Variants in ZC3H8 observed in about 807,000 individuals in gnomAD.
The protein encoded by ZC3H8 is zinc finger CCCH domain-containing protein 8.
Under a neutral mutation model 42.5 loss-of-function variants are expected in ZC3H8, and 27 were observed. The observed-to-expected ratio is 0.64, with a 90% confidence interval of 0.47 to 0.88. ZC3H8 has a LOEUF of 0.88. Ranked by LOEUF, ZC3H8 falls within the 40% of genes least tolerant of loss-of-function variation. The probability of loss-of-function intolerance (pLI) is 0.00; values close to 1 mark genes in which losing one functional copy is unlikely to be tolerated. For synonymous variants in ZC3H8, 101 were observed against 110.1 expected (o/e 0.92, Z 0.52); for missense variants, 277 against 336.1 (o/e 0.82, Z 1.37).
At chr2:112,236,024 G>A (rs554045170) in intron 4 of ZC3H8, among the ~76,000 whole-genome samples, 2 of 152,058 alleles carry the variant, frequency 1.3e-5, no homozygotes, top group Admixed American at 6.5e-5. Context: ...GTGGGTGGTG[G>A]GAGCCGAGGC....
chr2:112,227,379 G>A (rs981813723), intron 8 of ZC3H8, among the ~76,000 whole-genome samples: 3 of 152,168 alleles, frequency 2.0e-5, no homozygotes, highest in African/African-American at 7.2e-5. Context: ...ACAAAAATTA[G>A]CCGGGCGTGG....
intron 2 of ZC3H8, 127 bp downstream of exon 2, chr2:112,250,063 AC>A (rs1685894933): frequency 1.7e-6 from 1 of 594,576 alleles, no homozygotes; most frequent in Admixed American, 3.9e-5. Flanking sequence ...GTAAAATGAG[AC>A]AAGTAGGATC....
At chr2:112,229,955 CAAAA>C (rs1685020050) in intron 8 of ZC3H8, among the ~76,000 whole-genome samples, 1 of 134,252 alleles carries the variant, frequency 7.4e-6, no homozygotes, top group East Asian at 2.2e-4. Context: ...AAAAAAAAAA[CAAAA>C]AACGAAAAGA....
rs1449602127 is a variant in ZC3H8, at chr2:112,215,464, G to A, written c.*1020C>T. 1 of 152,026 alleles carries A rather than the reference G, an allele frequency of 6.6e-6. No individual in the cohort carries two copies. Among genetic ancestry groups the A allele is most frequent in the Admixed American group, 6.6e-5 (1 of 15,248 alleles). The allele number at this position is 152,026 out of a possible 1,614,324, so 9.4% of individuals were successfully genotyped here. ...TGGAGTATATGCAATTCCCTTTCTT[G>A]CTTTAGCAGGATTAGATAACAATGA... On this transcript the variant is annotated 3_prime_UTR_variant, in exon 9 of 9. Coordinates refer to ENST00000409573, the MANE Select transcript of ZC3H8 (RefSeq NM_032494.3).
chr2:112,235,274 G>C (rs958451575), intron 4 of ZC3H8, among the ~76,000 whole-genome samples: 5 of 152,114 alleles, frequency 3.3e-5, no homozygotes, highest in Admixed American at 2.6e-4. Flanking sequence ...ATAAATATCT[G>C]CCAGTTTAAA....
At chr2:112,253,275 C>T (rs536888267) in intron 1 of ZC3H8, among the ~76,000 whole-genome samples, 11 of 152,240 alleles carry the variant, frequency 7.2e-5, no homozygotes, top group Non-Finnish European at 1.5e-4. Context: ...TCCCCCTTCC[C>T]CTAATAATGT....
intron 8 of ZC3H8, among the ~76,000 whole-genome samples, chr2:112,217,818 T>C (rs574293695): frequency 6.6e-6 from 1 of 152,232 alleles, no homozygotes; most frequent in Non-Finnish European, 1.5e-5. Flanking sequence ...ACTCTGTTCA[T>C]TTCTGAAAAA....
At chr2:112,223,851 A>C (rs574271701) in intron 8 of ZC3H8, among the ~76,000 whole-genome samples, 1 of 152,352 alleles carries the variant, frequency 6.6e-6, no homozygotes, top group East Asian at 1.9e-4. Context: ...AATCAATATA[A>C]GGAATAAAGG....
chr2:112,223,936 A>C lies in ZC3H8; in HGVS notation c.*15+6967T>G, dbSNP rs1413233602. Among the ~76,000 whole-genome samples, 7 of 152,184 alleles carry C rather than the reference A, an allele frequency of 4.6e-5. No homozygotes were observed. The South Asian group carries it at 1.4e-3, about 32-fold the overall frequency. The stretch of plus-strand genomic sequence containing the variant: ...GGCAGGTGGATCATTTGAGGTCAGG[A>C]GTTTGAGACCAGGCTGGCCAAAATG... On this transcript the variant is annotated intron_variant, in intron 8 of 8. Coordinates refer to ENST00000409573, the MANE Select transcript of ZC3H8 (RefSeq NM_032494.3).
rs946638626 is a variant in ZC3H8 at position 112,212,949 on chromosome 2, C to T, written c.*3535G>A. The T allele has an allele frequency of 7.5e-6, 1 of 132,972 alleles. No individual in the cohort carries two copies. Among genetic ancestry groups the T allele is most frequent in the East Asian group, 2.1e-4 (1 of 4,784 alleles). 8.2% of individuals were successfully genotyped at this position (132,972 alleles called of 1,614,324 possible). ...CCTAGTATTTTGAGTTCAGCAAGCA[C>T]AACTCAGAAGAAATGCTTTTTTTTT... is the stretch of plus-strand genomic sequence containing the variant. On this transcript the variant is annotated 3_prime_UTR_variant, in exon 9 of 9. Coordinates refer to ENST00000409573, the MANE Select transcript of ZC3H8 (RefSeq NM_032494.3).
intron 2 of ZC3H8, among the ~76,000 whole-genome samples, chr2:112,238,964 C>A (rs949393036): frequency 6.6e-6 from 1 of 152,218 alleles, no homozygotes; most frequent in African/African-American, 2.4e-5. Flanking sequence ...CCCAAGTAAA[C>A]TGTAATGGTC....
At chr2:112,254,635 C>G (rs1301604372) in intron 1 of ZC3H8, among the ~76,000 whole-genome samples, 1 of 152,252 alleles carries the variant, frequency 6.6e-6, no homozygotes, top group African/African-American at 2.4e-5. Flanking sequence ...CATCCCGGAG[C>G]CTTCTCGCCT....
rs1166711844 is a variant in ZC3H8, at chr2:112,213,775, C to CAAAAAAAAA, written c.*2700_*2708dup. 8.3e-5 allele frequency: 2 copies of CAAAAAAAAA among 24,076 alleles called. No homozygotes were observed. The highest frequency in any genetic ancestry group is 2.0e-4 in the African/African-American group (1 of 5,028). 1.5% of individuals were successfully genotyped at this position (24,076 alleles called of 1,614,324 possible). On this transcript the variant is annotated 3_prime_UTR_variant, in exon 9 of 9. Coordinates refer to ENST00000409573, the MANE Select transcript of ZC3H8 (RefSeq NM_032494.3). The stretch of plus-strand genomic sequence containing the variant: ...TGGGCGACAGAGCGAGACTCCGTCT[C>CAAAAAAAAA]AAAAAAAAAAAAAAAAAAAAAAAAA...
chr2:112,217,602 G>A (rs1684382587), intron 8 of ZC3H8, among the ~76,000 whole-genome samples: 1 of 150,808 alleles, frequency 6.6e-6, no homozygotes, highest in Non-Finnish European at 1.5e-5. Context: ...TCTTCCACAT[G>A]TTTCATTATA....
chr2:112,254,022 C>A (rs1267838600), intron 1 of ZC3H8: 2 of 768,940 alleles, frequency 2.6e-6, no homozygotes, highest in African/African-American at 1.9e-5. Context: ...GTTTTCCCAT[C>A]TGTAAAACGA....
At chr2:112,224,791 T>C (rs1684743529) in intron 8 of ZC3H8, among the ~76,000 whole-genome samples, 2 of 152,178 alleles carry the variant, frequency 1.3e-5, no homozygotes, top group South Asian at 4.1e-4. Context: ...ACTGAAAGAA[T>C]ACCAGTGGAT....
At chr2:112,232,843 A>G (rs2104654356) in intron 6 of ZC3H8, among the ~76,000 whole-genome samples, 2 of 152,340 alleles carry the variant, frequency 1.3e-5, no homozygotes, top group Non-Finnish European at 2.9e-5. Flanking sequence ...AGCTAAGGCT[A>G]TTCTGCAAAT....
At position 112,212,148 on chromosome 2, in the gene ZC3H8, A is replaced by C. The variant is rs1684159125; in HGVS notation, c.*4336T>G. ...TGAGGGCCTGCTTCCTGCTTTGTAG[A>C]CAGCCATTTTCTTGCCGTGTCCTCA... On this transcript the variant is annotated 3_prime_UTR_variant, in exon 9 of 9. Coordinates refer to ENST00000409573, the MANE Select transcript of ZC3H8 (RefSeq NM_032494.3). The C allele has an allele frequency of 6.6e-6, 1 of 152,304 alleles. No individual in the cohort carries two copies. The highest frequency in any genetic ancestry group is 2.1e-4 in the South Asian group (1 of 4,820). 9.4% of individuals were successfully genotyped at this position (152,304 alleles called of 1,614,324 possible).
At chr2:112,225,321 G>A (rs1037039415) in intron 8 of ZC3H8, among the ~76,000 whole-genome samples, 17 of 152,002 alleles carry the variant, frequency 1.1e-4, no homozygotes, top group African/African-American at 3.9e-4. Context: ...AAAGACTATA[G>A]ACAACAATTA....
Sources: allele counts gnomAD v4.1 joint callset (sites outside exome capture counted in the v4.1 genomes callset), GRCh38; gene constraint gnomAD v4.1.1; transcripts MANE v1.5; gene names NCBI Gene and HGNC (gene_info 2026-07-23, HGNC 2026-07-21).